HS6ST2: variants seen among roughly 807,000 people sequenced by gnomAD.
The protein encoded by HS6ST2 is heparan sulfate 6-O-sulfotransferase 2.
HS6ST2 carries 17 observed loss-of-function variants against 33.0 expected under a neutral mutation model. The ratio of observed to expected loss-of-function variants is 0.52; its 90% CI spans 0.35 to 0.77. HS6ST2 has a LOEUF of 0.77. HS6ST2 is among the 30% of genes least tolerant of loss of function. The pLI is 0.01. For missense variants in HS6ST2, 519 were observed against 551.7 expected (o/e 0.94, Z 0.59); for synonymous variants, 248 against 237.1 (o/e 1.05, Z -0.42).
At chrX:132,786,798 T>A (rs1169202977) in intron 2 of HS6ST2, among the ~76,000 whole-genome samples, 1 of 108,647 alleles carries the variant, frequency 9.2e-6, no homozygotes, top group African/African-American at 3.4e-5. Flanking sequence ...ATTTTTGTAT[T>A]TTCAGTAGAG....
At chrX:132,708,724 T>A in intron 2 of HS6ST2, 1 of 318,156 alleles carries the variant, frequency 3.1e-6, no homozygotes, top group South Asian at 6.8e-5. Flanking sequence ...GAGAGCCAGA[T>A]CCCTGGAGTG....
chrX:132,790,415 T>A (rs1243388041), intron 2 of HS6ST2, among the ~76,000 whole-genome samples: 1 of 112,290 alleles, frequency 8.9e-6, no homozygotes, highest in African/African-American at 3.2e-5. Flanking sequence ...TAAATATAAC[T>A]TCTATATGCA....
In HS6ST2 at chrX:132,828,693, T is replaced by TATATAC. The variant is rs1337972849; in HGVS notation, c.948-120200_948-120199insGTATAT. 2.7e-5 allele frequency among the ~76,000 whole-genome samples: 2 copies of TATATAC among 72,938 alleles called. 1 individual carries two copies. Among genetic ancestry groups the TATATAC allele is most frequent in the Non-Finnish European group, 5.0e-5 (2 of 40,138 alleles). The allele number at this position is 72,938 out of a possible 115,157, so 63.3% of individuals were successfully genotyped here. A position where few individuals can be genotyped will look rare whatever the true frequency, so the allele number is the denominator to read the frequency against. On this transcript the variant is annotated intron_variant, in intron 2 of 4. Transcript: ENST00000370833. ...ATATCATATTTTATATATATATATA[T>TATATAC]ACACACACACACACACACACACACA...
intron 2 of HS6ST2, among the ~76,000 whole-genome samples, chrX:132,953,055 G>A (rs1045627733): frequency 9.0e-6 from 1 of 111,529 alleles, no homozygotes; most frequent in Non-Finnish European, 1.9e-5. Context: ...TGATGAAGAA[G>A]GGGGCTAGTG....
In HS6ST2 at chrX:132,748,059, A is replaced by T. The variant is rs143681402; in HGVS notation, c.948-39565T>A. On this transcript the variant is annotated intron_variant, in intron 2 of 4. Coordinates refer to ENST00000370833, the MANE Select transcript of HS6ST2 (RefSeq NM_001394073.1). The stretch of plus-strand genomic sequence containing the variant: ...GCCAGTTAGCGTGTTCATGAATCAG[A>T]CATCAAATATTTTCTTTCTTCCCCA... 1.2e-4 allele frequency among the ~76,000 whole-genome samples: 13 copies of T among 111,602 alleles called. No individual in the cohort carries two copies. In the East Asian group the frequency reaches 3.1e-3, roughly 27 times the overall value.
intron 2 of HS6ST2, among the ~76,000 whole-genome samples, chrX:132,929,765 G>T (rs1025015620): frequency 9.0e-5 from 10 of 111,724 alleles, no homozygotes; most frequent in African/African-American, 1.3e-4. Flanking sequence ...CACAGTTATA[G>T]TTAGAAACTT....
intron 2 of HS6ST2, among the ~76,000 whole-genome samples, chrX:132,824,594 A>G (rs1207294676): frequency 9.8e-5 from 11 of 112,351 alleles, no homozygotes; most frequent in Non-Finnish European, 1.9e-4. Flanking sequence ...CAGCCTGAAT[A>G]CCTGCCAGAA....
intron 2 of HS6ST2, among the ~76,000 whole-genome samples, chrX:132,782,471 A>G (rs1295999163): frequency 9.0e-6 from 1 of 111,722 alleles, no homozygotes; most frequent in East Asian, 2.8e-4. Flanking sequence ...AATAATCACA[A>G]AACAGAATGG....
intron 2 of HS6ST2, among the ~76,000 whole-genome samples, chrX:132,827,739 G>A (rs2065537479): frequency 2.7e-5 from 3 of 110,548 alleles, no homozygotes; most frequent in Non-Finnish European, 5.7e-5. Context: ...ACACCTCTTG[G>A]TTTCTGACTT....
intron 2 of HS6ST2, among the ~76,000 whole-genome samples, chrX:132,823,731 G>A (rs1034107687): frequency 9.9e-6 from 1 of 100,673 alleles, no homozygotes; most frequent in African/African-American, 3.6e-5. Context: ...CCCACCTGTA[G>A]ACCCAGCTAC....
intron 2 of HS6ST2, among the ~76,000 whole-genome samples, chrX:132,922,992 G>A (rs2066669203): frequency 9.4e-6 from 1 of 106,371 alleles, no homozygotes; most frequent in Admixed American, 1.0e-4. Flanking sequence ...GAGCCTGGGA[G>A]GCATAGGTTG....
At chrX:132,858,897 G>A (rs1015017185) in intron 2 of HS6ST2, among the ~76,000 whole-genome samples, 5 of 112,134 alleles carry the variant, frequency 4.5e-5, no homozygotes, top group African/African-American at 9.7e-5. Context: ...CTTCTAGGTC[G>A]GCATGGCCTC....
Position 132,777,895 on chromosome X carries a change from T to C in HS6ST2, c.948-69401A>G, listed in dbSNP as rs183372536. 5.3e-4 allele frequency among the ~76,000 whole-genome samples: 60 copies of C among 112,222 alleles called. 1 individual carries two copies. The highest frequency in any genetic ancestry group is 1.9e-3 in the African/African-American group (59 of 30,948). ...CTGAAGTTGTCGATTATGATGGAAC[T>C]TGAGAGAACAGTTCTCAGTCTTTCA... is the stretch of plus-strand genomic sequence containing the variant. On this transcript the variant is annotated intron_variant, in intron 2 of 4. Transcript: ENST00000370833.
rs969090796 is a variant in HS6ST2 at position 132,888,651 on chromosome X, G to A, written c.947+68157C>T. Among the ~76,000 whole-genome samples the A allele has an allele frequency of 5.4e-5, 6 of 111,089 alleles. No homozygotes were observed. The East Asian group carries it at 8.5e-4, about 16-fold the overall frequency. On this transcript the variant is annotated intron_variant, in intron 2 of 4. Coordinates refer to ENST00000370833, the MANE Select transcript of HS6ST2 (RefSeq NM_001394073.1). ...TCCCGAGTAGCTGGATTACAGGCAC[G>A]CACCACCATGTCCTGCTAATTTTTC... is the stretch of plus-strand genomic sequence containing the variant.
intron 2 of HS6ST2, among the ~76,000 whole-genome samples, chrX:132,932,060 C>T (rs1270287957): frequency 1.9e-5 from 2 of 108,031 alleles, no homozygotes; most frequent in South Asian, 4.2e-4. Context: ...GTGGTGGGCG[C>T]CTGTAGTCCC....
At chrX:132,645,612 G>A (rs1411859435) in intron 4 of HS6ST2, among the ~76,000 whole-genome samples, 1 of 112,165 alleles carries the variant, frequency 8.9e-6, no homozygotes, top group African/African-American at 3.2e-5. Flanking sequence ...GGGAGAACAT[G>A]TCGACCTTCA....
chrX:132,768,104 A>C (rs2064865459), intron 2 of HS6ST2, among the ~76,000 whole-genome samples: 1 of 110,777 alleles, frequency 9.0e-6, no homozygotes, highest in Non-Finnish European at 1.9e-5. Flanking sequence ...TGGGAGGCTG[A>C]GGCAGGCAGA....
chrX:132,632,483 C>T lies in HS6ST2; in HGVS notation c.1068-3390G>A, dbSNP rs146991437. The stretch of plus-strand genomic sequence containing the variant: ...CTTTTAGGGCAATATCAGAGAAGCA[C>T]GCTGGGGAATGCAGCTGGGGTCGGG... On this transcript the variant is annotated intron_variant, in intron 4 of 4. Transcript: ENST00000370833. 6.5e-3 allele frequency among the ~76,000 whole-genome samples: 721 copies of T among 110,366 alleles called. 9 individuals carry two copies. Among genetic ancestry groups the T allele is most frequent in the African/African-American group, 0.022 (667 of 30,274 alleles).
chrX:132,686,490 A>C (rs756266417), intron 3 of HS6ST2, among the ~76,000 whole-genome samples: 1 of 111,491 alleles, frequency 9.0e-6, no homozygotes, highest in East Asian at 2.8e-4. Context: ...AAAGTATCTC[A>C]TTAGGGAATG....
Sources: allele counts gnomAD v4.1 joint callset (sites outside exome capture counted in the v4.1 genomes callset), GRCh38; gene constraint gnomAD v4.1.1; transcripts MANE v1.5; gene names NCBI Gene and HGNC (gene_info 2026-07-23, HGNC 2026-07-21).